Variants in WDR70 observed in about 807,000 individuals in gnomAD.
The protein encoded by WDR70 is WD repeat domain 70.
In WDR70, 53 loss-of-function variants were observed where a neutral mutation model predicts 88.6. The ratio of observed to expected loss-of-function variants is 0.60; its 90% CI spans 0.48 to 0.75. The LOEUF is 0.75. WDR70 is among the 30% of genes least tolerant of loss of function. WDR70 has a pLI of 0.00. For missense variants in WDR70, 610 were observed against 823.2 expected (o/e 0.74, Z 3.17); for synonymous variants, 280 against 270.0 (o/e 1.04, Z -0.36).
At chr5:37,523,277 C>T (rs1014417599) in intron 9 of WDR70, among the ~76,000 whole-genome samples, 9 of 152,222 alleles carry the variant, frequency 5.9e-5, no homozygotes, top group African/African-American at 9.6e-5. Flanking sequence ...CGCTCTGAGA[C>T]GAAGCTTCCA....
At chr5:37,546,036 C>A (rs866086110) in intron 9 of WDR70, among the ~76,000 whole-genome samples, 4 of 151,698 alleles carry the variant, frequency 2.6e-5, no homozygotes, top group African/African-American at 9.7e-5. Context: ...ATTTTATATC[C>A]AATATAAGAT....
chr5:37,646,297 G>C (rs752638560), intron 10 of WDR70, among the ~76,000 whole-genome samples: 5 of 151,820 alleles, frequency 3.3e-5, no homozygotes, highest in Admixed American at 6.6e-5. Flanking sequence ...CCACTTTTTA[G>C]CTTTTTGTTT....
chr5:37,752,380 T>G, intron 17 of WDR70, 106 bp from the exon 18 acceptor site: 1 of 696,430 alleles, frequency 1.4e-6, no homozygotes, highest in South Asian at 1.9e-5. Context: ...AATTGAGTTG[T>G]AATTTATTCC....
intron 10 of WDR70, among the ~76,000 whole-genome samples, chr5:37,681,814 C>A (rs977148700): frequency 4.6e-5 from 7 of 151,994 alleles, no homozygotes; most frequent in Admixed American, 4.6e-4. Flanking sequence ...TTGATATACT[C>A]CTGGTTTCGG....
intron 9 of WDR70, among the ~76,000 whole-genome samples, chr5:37,551,011 C>T (rs1011926892): frequency 6.6e-6 from 1 of 152,030 alleles, no homozygotes; most frequent in African/African-American, 2.4e-5. Context: ...CAAAAGAAAA[C>T]TAGTGAAGAC....
At chr5:37,397,931 G>A (rs1233183466) in intron 5 of WDR70, among the ~76,000 whole-genome samples, 2 of 151,186 alleles carry the variant, frequency 1.3e-5, no homozygotes, top group Non-Finnish European at 2.9e-5. Context: ...GGGAGACAGA[G>A]GTTGCAGTGA....
At chr5:37,675,950 G>A (rs199720421) in intron 10 of WDR70, among the ~76,000 whole-genome samples, 57 of 151,872 alleles carry the variant, frequency 3.8e-4, no homozygotes, top group South Asian at 1.0e-3. Flanking sequence ...GGTCCTTCAC[G>A]TCCCTTGTAA....
chr5:37,487,531 TAA>T (rs1739911049), intron 8 of WDR70, among the ~76,000 whole-genome samples: 1 of 149,016 alleles, frequency 6.7e-6, no homozygotes, highest in Non-Finnish European at 1.5e-5. Context: ...CTAATTATAT[TAA>T]GTTGTTATAT....
chr5:37,525,855 C>A (rs574111783), intron 9 of WDR70, among the ~76,000 whole-genome samples: 1 of 152,284 alleles, frequency 6.6e-6, no homozygotes, highest in South Asian at 2.1e-4. Flanking sequence ...CTATAAACAC[C>A]TCTAGGCAAA....
chr5:37,445,445 T>C (rs1245381387), intron 7 of WDR70, among the ~76,000 whole-genome samples: 4 of 152,164 alleles, frequency 2.6e-5, no homozygotes, highest in African/African-American at 4.8e-5. Context: ...ATTTATTTCC[T>C]GGCATCTTCT....
chr5:37,599,764 G>A (rs188898312), intron 9 of WDR70, among the ~76,000 whole-genome samples: 3 of 152,114 alleles, frequency 2.0e-5, no homozygotes, highest in African/African-American at 7.2e-5. Context: ...GTGGTGGCGC[G>A]TGCCTGTACT....
At chr5:37,576,875 G>C (rs1325789669) in intron 9 of WDR70, among the ~76,000 whole-genome samples, 19 of 151,874 alleles carry the variant, frequency 1.3e-4, no homozygotes, top group Non-Finnish European at 1.5e-5. Flanking sequence ...TTTATGACAG[G>C]GTAAAGAAGA....
At chr5:37,473,297 C>A (rs1739382802) in intron 7 of WDR70, among the ~76,000 whole-genome samples, 1 of 149,694 alleles carries the variant, frequency 6.7e-6, no homozygotes. Flanking sequence ...TAATCCTTTG[C>A]ATTACAAATA....
chr5:37,432,242 A>C (rs1348126241), intron 5 of WDR70, among the ~76,000 whole-genome samples: 2 of 151,330 alleles, frequency 1.3e-5, no homozygotes, highest in African/African-American at 4.9e-5. Flanking sequence ...TTGATAGTAA[A>C]AGTTTTTTGA....
chr5:37,669,971 A>C (rs1375818043), intron 10 of WDR70, among the ~76,000 whole-genome samples: 1 of 150,216 alleles, frequency 6.7e-6, no homozygotes, highest in Admixed American at 6.6e-5. Flanking sequence ...AGTTTAGGCA[A>C]ATCTACACAG....
At chr5:37,576,919 C>T (rs564844376) in intron 9 of WDR70, among the ~76,000 whole-genome samples, 4 of 152,058 alleles carry the variant, frequency 2.6e-5, no homozygotes, top group African/African-American at 9.6e-5. Flanking sequence ...AGCTCAGTCA[C>T]AAGATTAGTT....
chr5:37,502,844 A>G (rs2112223712), intron 8 of WDR70, among the ~76,000 whole-genome samples: 1 of 152,280 alleles, frequency 6.6e-6, no homozygotes, highest in Non-Finnish European at 1.5e-5. Context: ...ACACACTTTT[A>G]AATGACCAGA....
chr5:37,633,292 A>G (rs954168921), intron 10 of WDR70, among the ~76,000 whole-genome samples: 1 of 152,214 alleles, frequency 6.6e-6, no homozygotes, highest in African/African-American at 2.4e-5. Context: ...AGTACTTCAG[A>G]ATTTTATATC....
At chr5:37,404,628 T>C (rs1749296819) in intron 5 of WDR70, among the ~76,000 whole-genome samples, 1 of 152,214 alleles carries the variant, frequency 6.6e-6, no homozygotes, top group South Asian at 2.1e-4. Flanking sequence ...ACCTATTAAA[T>C]CATAATCATA....
Sources: gnomAD v4.1 joint callset for allele counts (sites outside exome capture counted in the v4.1 genomes callset) on GRCh38, gnomAD v4.1.1 for gene constraint, MANE v1.5 for transcripts, NCBI Gene and HGNC (gene_info 2026-07-23, HGNC 2026-07-21) for gene names.